The following FKBP9 variants were observed in gnomAD, a reference collection of about 807,000 sequenced individuals.
The protein encoded by FKBP9 is FKBP prolyl isomerase 9, also known as peptidyl-prolyl cis-trans isomerase FKBP9.
Under a neutral mutation model 55.6 loss-of-function variants are expected in FKBP9, and 27 were observed. That is an observed-to-expected ratio of 0.49 (90% confidence interval 0.36 to 0.67). The LOEUF (loss-of-function observed/expected upper bound fraction) is 0.67, where lower values mean the gene tolerates loss of function less well. Ranked by LOEUF, FKBP9 falls within the 30% of genes least tolerant of loss-of-function variation. The pLI is 0.00. For synonymous variants in FKBP9, 267 were observed against 296.5 expected, an observed-to-expected ratio of 0.90 and a Z score of 1.02; for missense variants, 539 against 742.8, an observed-to-expected ratio of 0.73 and a Z score of 3.19.
chr7:32,987,173 AGT>A (rs1784595118), intron 5 of FKBP9, among the ~76,000 whole-genome samples: 2 of 151,860 alleles, frequency 1.3e-5, no homozygotes, highest in Non-Finnish European at 1.5e-5. Context: ...CATTACTCTC[AGT>A]GTGTATGCTG....
intron 7 of FKBP9, among the ~76,000 whole-genome samples, chr7:32,999,712 G>A (rs1489670999): frequency 6.6e-6 from 1 of 152,088 alleles, no homozygotes; most frequent in Non-Finnish European, 1.5e-5. Flanking sequence ...ATCCATCTCA[G>A]GTCTTGCTGA....
intron 9 of FKBP9, 60 bp from the exon 10 acceptor site, chr7:33,005,115 C>T: frequency 6.3e-7 from 1 of 1,582,644 alleles, no homozygotes; most frequent in Admixed American, 1.7e-5. Context: ...TGTTTCTGGC[C>T]CCAGGCCTGG....
At chr7:33,002,923 G>A in intron 9 of FKBP9, 84 bp downstream of exon 9, 1 of 1,438,972 alleles carries the variant, frequency 6.9e-7, no homozygotes, top group Non-Finnish European at 9.5e-7. Context: ...TGAAGGTAAG[G>A]ACTTCTAAGG....
Position 32,957,830 on chromosome 7 carries a change from G to A in FKBP9, c.221+36G>A, listed in dbSNP as rs773355850. On this transcript the variant is annotated intron_variant, in intron 1 of 9. Transcript: ENST00000242209. ...CTTGGCGCCCGGCGCGGCCTCAGCG[G>A]ATGCGCGTCCCTCTCTCCGGACAGG... 5.1e-6 allele frequency: 7 copies of A among 1,385,754 alleles called. No individual in the cohort carries two copies. In the Admixed American group the frequency reaches 9.4e-5, roughly 19 times the overall value. 85.8% of individuals were successfully genotyped at this position (1,385,754 alleles called of 1,614,324 possible).
Position 32,957,487 on chromosome 7 carries a change from C to G in FKBP9, c.-87C>G, listed in dbSNP as rs1220582084. On this transcript the variant is annotated 5_prime_UTR_variant, in exon 1 of 10. Coordinates refer to ENST00000242209, the MANE Select transcript of FKBP9 (RefSeq NM_007270.5). ...CCGGGTAGGGCCAGGAGACCCGGTC[C>G]ACGTTTGCAAACGCAGCCGAACGCC... The G allele has an allele frequency of 4.8e-6, 5 of 1,044,304 alleles. No individual in the cohort carries two copies. The African/African-American group carries it at 8.5e-5, about 18-fold the overall frequency. The allele number at this position is 1,044,304 out of a possible 1,614,324, so 64.7% of individuals were successfully genotyped here.
intron 5 of FKBP9, among the ~76,000 whole-genome samples, chr7:32,986,534 C>T (rs1356477674): frequency 6.6e-6 from 1 of 152,192 alleles, no homozygotes; most frequent in Admixed American, 6.5e-5. Flanking sequence ...CTGGCCAGTG[C>T]ACCAGGAGGA....
intron 4 of FKBP9, among the ~76,000 whole-genome samples, chr7:32,979,977 A>C (rs1784443694): frequency 6.6e-6 from 1 of 152,028 alleles, no homozygotes; most frequent in African/African-American, 2.4e-5. Context: ...GAACCAGACC[A>C]GAGATTTGGA....
chr7:32,965,941 C>T (rs1389396884), intron 1 of FKBP9, among the ~76,000 whole-genome samples: 23 of 143,564 alleles, frequency 1.6e-4, no homozygotes, highest in Admixed American at 1.3e-3. Context: ...GCTTCTAATC[C>T]GAGCACTTTG....
chr7:32,974,553 G>A, intron 1 of FKBP9, 64 bp from the exon 2 acceptor site: 1 of 1,487,242 alleles, frequency 6.7e-7, no homozygotes, highest in South Asian at 1.2e-5. Context: ...TTACAGGTTG[G>A]TTTTTACTGA....
chr7:33,004,445 T>C (rs6462443), intron 9 of FKBP9, among the ~76,000 whole-genome samples: 85,868 of 151,742 alleles, frequency 0.57, 25,362 homozygotes, highest in African/African-American at 0.72. Context: ...CACCCAGGCA[T>C]GCGTCCACCT....
At chr7:33,001,884 C>T (rs1784942504) in intron 8 of FKBP9, 1 of 152,126 alleles carries the variant, frequency 6.6e-6, no homozygotes, top group Non-Finnish European at 1.5e-5. Context: ...GTAAGAAATA[C>T]ATTTTATTTC....
At chr7:32,990,685 A>T (rs575341997) in intron 6 of FKBP9, among the ~76,000 whole-genome samples, 1 of 152,314 alleles carries the variant, frequency 6.6e-6, no homozygotes, top group Admixed American at 6.5e-5. Flanking sequence ...ACAACTTTCT[A>T]TGCTATGTAT....
chr7:32,988,604 C>G lies in FKBP9; in HGVS notation c.991C>G (p.Arg331Gly). 6.2e-7 allele frequency: 1 copy of G among 1,613,938 alleles called. No individual in the cohort carries two copies. Among genetic ancestry groups the G allele is most frequent in the Non-Finnish European group, 8.5e-7 (1 of 1,179,858 alleles). Residue 331 changes from arginine to glycine, a missense_variant, in exon 6 of 10, where the codon CGA (arginine) becomes GGA (glycine). Arg to Gly is a moderately radical substitution (Grantham distance 125). Coordinates refer to ENST00000242209, the MANE Select transcript of FKBP9 (RefSeq NM_007270.5). The stretch of plus-strand genomic sequence containing the variant: ...ACTTGGTGTTTGCATTGGAGAAAAG[C>G]GAAGGATTGTGGTCCCGCCTCACCT... ...GLLGVCIGEK[R>G]RIVVPPHLGY...
rs866420173 is a variant in FKBP9, at chr7:32,968,771, C to T, written c.222-5846C>T. ...TATTTTTAGTAGAGACGGGGTTTTG[C>T]CTCAGCCCCCCGAGTAGCTGGGATT... On this transcript the variant is annotated intron_variant, in intron 1 of 9. Transcript: ENST00000242209. Among the ~76,000 whole-genome samples the T allele has an allele frequency of 4.0e-5, 6 of 150,884 alleles. No individual in the cohort carries two copies. In the South Asian group the frequency reaches 1.0e-3, roughly 26 times the overall value.
intron 1 of FKBP9, among the ~76,000 whole-genome samples, chr7:32,973,580 A>AGTGTGTGTGT (rs10566069): frequency 9.9e-4 from 142 of 143,904 alleles, no homozygotes; most frequent in African/African-American, 3.6e-3. Context: ...AAAAAAATCA[A>AGTGTGTGTGT]GTGTGTGTGT....
At position 33,000,065 on chromosome 7, in the gene FKBP9, A is replaced by G. The variant is rs748319140; in HGVS notation, c.1227-50A>G. On this transcript the variant is annotated intron_variant, in intron 7 of 9. Transcript: ENST00000242209. ...GTGTTCTTCTCATGGGAACACTCTC[A>G]GTGCCAATGGGTTGGTGACCTAACA... 41 of 1,610,542 alleles carry G rather than the reference A, an allele frequency of 2.5e-5. No individual in the cohort carries two copies. In the Admixed American group the frequency reaches 6.8e-4, roughly 27 times the overall value.
chr7:32,958,428 G>A (rs1392451689), intron 1 of FKBP9, among the ~76,000 whole-genome samples: 1 of 152,230 alleles, frequency 6.6e-6, no homozygotes, highest in African/African-American at 2.4e-5. Context: ...TTAAACAATG[G>A]AGTCAGATTG....
chr7:33,001,660 C>T (rs1784938248), intron 8 of FKBP9, among the ~76,000 whole-genome samples: 1 of 151,750 alleles, frequency 6.6e-6, no homozygotes, highest in Non-Finnish European at 1.5e-5. Flanking sequence ...GAATAATACA[C>T]ATTACCTTTA....
Position 32,973,693 on chromosome 7 carries a change from T to TG in FKBP9, c.222-924_222-923insG, listed in dbSNP as rs796489652. 3.8e-3 allele frequency among the ~76,000 whole-genome samples: 242 copies of TG among 64,218 alleles called. 5 individuals are homozygous for TG. Among genetic ancestry groups the TG allele is most frequent in the African/African-American group, 9.7e-3 (120 of 12,420 alleles). 42.1% of individuals were successfully genotyped at this position (64,218 alleles called of 152,430 possible). A position where few individuals can be genotyped will look rare whatever the true frequency, so the allele number is the denominator to read the frequency against. On this transcript the variant is annotated intron_variant, in intron 1 of 9. Coordinates refer to ENST00000242209, the MANE Select transcript of FKBP9 (RefSeq NM_007270.5). ...TGAAGTTTTTTGTTGTTTTTTTTTT[T>TG]TTTTTTTTTTTTTTTGACACAGAGT...
Sources: gnomAD v4.1 joint callset for allele counts (sites outside exome capture counted in the v4.1 genomes callset) on GRCh38, gnomAD v4.1.1 for gene constraint, MANE v1.5 for transcripts, NCBI Gene and HGNC (gene_info 2026-07-23, HGNC 2026-07-21) for gene names.